Variants in XYLT1 observed in about 807,000 individuals in gnomAD.
XYLT1 encodes the protein beta-D-xylosyltransferase 1.
In XYLT1, 36 loss-of-function variants were observed where a neutral mutation model predicts 91.3. The observed-to-expected ratio is 0.39, with a 90% CI of 0.30 to 0.52. The LOEUF (loss-of-function observed/expected upper bound fraction) is 0.52. Ranked by LOEUF, XYLT1 falls within the 20% of genes least tolerant of loss-of-function variation. The probability of loss-of-function intolerance (pLI) is 0.68; values close to 1 mark genes in which losing one functional copy is unlikely to be tolerated. For synonymous variants in XYLT1, 588 were observed against 532.0 expected (o/e 1.11, Z -1.45); for missense variants, 1,242 against 1,284.5 (o/e 0.97, Z 0.51).
At chr16:17,297,128 C>T (rs2034323280) in intron 2 of XYLT1, among the ~76,000 whole-genome samples, 1 of 152,166 alleles carries the variant, frequency 6.6e-6, no homozygotes, top group Non-Finnish European at 1.5e-5. Flanking sequence ...TATGAAAATG[C>T]TGAGGTCTCA....
intron 5 of XYLT1, among the ~76,000 whole-genome samples, chr16:17,177,087 A>G (rs1542421): frequency 0.5 from 75,327 of 151,846 alleles, 20,504 homozygotes; most frequent in African/African-American, 0.71. Flanking sequence ...TTTACCACAG[A>G]AGCCATGTTT....
chr16:17,150,340 G>A (rs1000033596), intron 6 of XYLT1, among the ~76,000 whole-genome samples: 2 of 152,150 alleles, frequency 1.3e-5, no homozygotes, highest in African/African-American at 2.4e-5. Context: ...AATGCTTGAG[G>A]AATTCATTCC....
At chr16:17,242,092 C>T (rs928876895) in intron 3 of XYLT1, among the ~76,000 whole-genome samples, 6 of 152,162 alleles carry the variant, frequency 3.9e-5, no homozygotes, top group African/African-American at 9.7e-5. Context: ...GACCCACCCC[C>T]GTGATTCAAT....
chr16:17,242,104 A>G (rs141896560), intron 3 of XYLT1, among the ~76,000 whole-genome samples: 38 of 152,232 alleles, frequency 2.5e-4, no homozygotes, highest in Admixed American at 8.5e-4. Flanking sequence ...TGATTCAATT[A>G]CCTCCCACTA....
intron 1 of XYLT1, 109 bp downstream of exon 1, chr16:17,470,325 G>C (rs912523697): frequency 2.2e-5 from 26 of 1,171,592 alleles, no homozygotes; most frequent in Non-Finnish European, 2.8e-5. Flanking sequence ...GAGTCGGTAG[G>C]CTTGCAGAGT....
At chr16:17,331,496 A>T (rs956941040) in intron 2 of XYLT1, among the ~76,000 whole-genome samples, 1 of 101,856 alleles carries the variant, frequency 9.8e-6, no homozygotes, top group African/African-American at 3.3e-5. Flanking sequence ...GAGTTTGCTC[A>T]ACAGACACAC....
chr16:17,462,525 T>C (rs1596559259), intron 1 of XYLT1, among the ~76,000 whole-genome samples: 1 of 152,192 alleles, frequency 6.6e-6, no homozygotes, highest in Non-Finnish European at 1.5e-5. Flanking sequence ...TAGTTTCTGT[T>C]GCAGGCGGAA....
At chr16:17,452,571 A>G (rs958615472) in intron 1 of XYLT1, among the ~76,000 whole-genome samples, 7 of 152,196 alleles carry the variant, frequency 4.6e-5, no homozygotes, top group Admixed American at 2.0e-4. Flanking sequence ...AAGTTTTGAT[A>G]TGAAGTATTT....
intron 10 of XYLT1, among the ~76,000 whole-genome samples, chr16:17,121,106 T>A (rs563330162): frequency 5.3e-5 from 8 of 152,286 alleles, no homozygotes; most frequent in African/African-American, 1.7e-4. Context: ...CATGCACTAG[T>A]TTCCAACAGA....
At chr16:17,268,976 A>G (rs2033848466) in intron 2 of XYLT1, among the ~76,000 whole-genome samples, 1 of 152,026 alleles carries the variant, frequency 6.6e-6, no homozygotes, top group African/African-American at 2.4e-5. Flanking sequence ...CCCAGCCGAT[A>G]AATACTTTCC....
chr16:17,413,184 G>A (rs554395786), intron 1 of XYLT1, among the ~76,000 whole-genome samples: 7 of 152,170 alleles, frequency 4.6e-5, no homozygotes, highest in South Asian at 4.1e-4. Flanking sequence ...TTGTGCCCCC[G>A]GGACCTGGTA....
intron 1 of XYLT1, among the ~76,000 whole-genome samples, chr16:17,365,337 T>C (rs1021407573): frequency 1.2e-4 from 19 of 152,206 alleles, no homozygotes; most frequent in African/African-American, 4.3e-4. Flanking sequence ...TCACACTGGC[T>C]CCTAAGACGA....
intron 5 of XYLT1, among the ~76,000 whole-genome samples, chr16:17,179,846 A>C (rs1365566312): frequency 6.6e-6 from 1 of 152,244 alleles, no homozygotes; most frequent in Non-Finnish European, 1.5e-5. Context: ...TCTATGTGTT[A>C]ATATAGATAA....
chr16:17,245,968 A>C (rs1206376506), intron 3 of XYLT1, among the ~76,000 whole-genome samples: 1 of 152,172 alleles, frequency 6.6e-6, no homozygotes, highest in Non-Finnish European at 1.5e-5. Flanking sequence ...GAATTATCTG[A>C]CTGTGTGGGT....
intron 1 of XYLT1, among the ~76,000 whole-genome samples, chr16:17,434,167 C>T (rs897585749): frequency 6.6e-6 from 1 of 152,176 alleles, no homozygotes; most frequent in African/African-American, 2.4e-5. Context: ...CTCAGAAACT[C>T]CCGCCTCTGC....
intron 11 of XYLT1, among the ~76,000 whole-genome samples, chr16:17,112,320 G>A (rs1966843380): frequency 6.6e-6 from 1 of 151,758 alleles, no homozygotes; most frequent in Non-Finnish European, 1.5e-5. Flanking sequence ...TGTGTTCACT[G>A]TCATTCATTG....
intron 2 of XYLT1, among the ~76,000 whole-genome samples, chr16:17,282,148 G>A (rs953233934): frequency 4.6e-5 from 7 of 152,160 alleles, no homozygotes; most frequent in Non-Finnish European, 8.8e-5. Context: ...GCATGGTCTA[G>A]TCCTTTTAAA....
rs4071716 is a variant in XYLT1, at chr16:17,234,695, AAAAT to A, written c.913+24289_913+24292del. Among the ~76,000 whole-genome samples, 7 of 147,020 alleles carry A rather than the reference AAAAT, an allele frequency of 4.8e-5. No individual in the cohort carries two copies. The South Asian group carries it at 6.6e-4, about 14-fold the overall frequency. ...AATCCAGCAAACTGAGCCATGTGATAAAATAAATAAATAAATAAATAAATAAACC... is the reference window on the plus strand; with the variant it reads ...AATCCAGCAAACTGAGCCATGTGATAAAATAAATAAATAAATAAATAAACC... On this transcript the variant is annotated intron_variant, in intron 3 of 11. Coordinates refer to ENST00000261381, the MANE Select transcript of XYLT1 (RefSeq NM_022166.4).
chr16:17,333,626 C>T (rs1426552818), intron 2 of XYLT1, among the ~76,000 whole-genome samples: 7 of 149,776 alleles, frequency 4.7e-5, no homozygotes, highest in South Asian at 2.1e-4. Context: ...CTCACTCTGC[C>T]GCCCAGGCTG....
Sources: gnomAD v4.1 joint callset for allele counts (sites outside exome capture counted in the v4.1 genomes callset) on GRCh38, gnomAD v4.1.1 for gene constraint, MANE v1.5 for transcripts, NCBI Gene and HGNC (gene_info 2026-07-23, HGNC 2026-07-21) for gene names.